Variants in TCF25 observed in about 807,000 individuals in gnomAD.
TCF25 encodes the protein TCF25 ribosome quality control complex subunit.
In TCF25, 41 loss-of-function variants were observed where a neutral mutation model predicts 83.1. The observed-to-expected ratio is 0.49, with a 90% CI of 0.38 to 0.64. TCF25 has a LOEUF of 0.64. Ranked by LOEUF, TCF25 falls within the 30% of genes least tolerant of loss-of-function variation. TCF25 has a pLI of 0.00. For missense variants in TCF25, 979 were observed against 914.5 expected (o/e 1.07, Z -0.91); for synonymous variants, 458 against 365.0 (o/e 1.25, Z -2.90).
In TCF25 at chr16:89,900,760, C is replaced by T; in HGVS notation, c.1347C>T (p.Leu449=). 6.3e-7 allele frequency: 1 copy of T among 1,593,406 alleles called. No homozygotes were observed. Among genetic ancestry groups the T allele is most frequent in the Non-Finnish European group, 8.6e-7 (1 of 1,162,662 alleles). The change falls in exon 12 of 18, where the codon CTC becomes CTT. Residue 449 remains leucine (L), a synonymous_variant. Transcript: ENST00000263346. ...GCTCTGCCAGGCAGAAGGCCTCTCTCCTGATACAGCAGGCGCTCACCATGT... is the reference window on the plus strand; with the variant it reads ...GCTCTGCCAGGCAGAAGGCCTCTCTTCTGATACAGCAGGCGCTCACCATGT... ...EQSSARQKAS[L]LIQQALTMFP...
At chr16:89,895,704 G>A (rs1367418054) in intron 8 of TCF25, among the ~76,000 whole-genome samples, 1 of 152,250 alleles carries the variant, frequency 6.6e-6, no homozygotes, top group Non-Finnish European at 1.5e-5. Context: ...GTCTTAGGTG[G>A]ACACATCTGT....
chr16:89,908,646 A>T (rs1189248217), intron 16 of TCF25, among the ~76,000 whole-genome samples: 3 of 101,734 alleles, frequency 2.9e-5, no homozygotes, highest in Admixed American at 9.2e-5. Flanking sequence ...CCCACCTCCC[A>T]GCTCCCACCT....
At chr16:89,876,435 TTTTA>T (rs1259871157) in intron 1 of TCF25, among the ~76,000 whole-genome samples, 1 of 152,162 alleles carries the variant, frequency 6.6e-6, no homozygotes, top group African/African-American at 2.4e-5. Context: ...TTTTAAAAAA[TTTTA>T]TTTATTTAGA....
chr16:89,879,296 C>G (rs62056104), intron 1 of TCF25, among the ~76,000 whole-genome samples: 1 of 92,620 alleles, frequency 1.1e-5, no homozygotes. Flanking sequence ...TGTACACAGA[C>G]GGGCTTCAGA....
rs545339867 is a variant in TCF25, at chr16:89,878,212, C to T, written c.192+4353C>T. Among the ~76,000 whole-genome samples the T allele has an allele frequency of 7.3e-5, 11 of 151,544 alleles. No homozygotes were observed. The South Asian group carries it at 1.7e-3, about 23-fold the overall frequency. ...GGAGGATGGCTTGAACCCAGGAGGT[C>T]GAGGCTGCAGTGAGGTGAGATGACG... On this transcript the variant is annotated intron_variant, in intron 1 of 17. Coordinates refer to ENST00000263346, the MANE Select transcript of TCF25 (RefSeq NM_014972.3).
At chr16:89,874,097 G>T (rs1389597691) in intron 1 of TCF25, among the ~76,000 whole-genome samples, 1 of 151,676 alleles carries the variant, frequency 6.6e-6, no homozygotes, top group Non-Finnish European at 1.5e-5. Context: ...ACCCCGGTGA[G>T]GTGGGCGGGG....
chr16:89,881,392 T>G (rs1257751077), intron 1 of TCF25, among the ~76,000 whole-genome samples: 2 of 152,176 alleles, frequency 1.3e-5, no homozygotes, highest in Non-Finnish European at 2.9e-5. Flanking sequence ...TCCGATTGGA[T>G]CCATCAGAAT....
chr16:89,902,632 T>C (rs895074587), intron 12 of TCF25, among the ~76,000 whole-genome samples: 21 of 144,492 alleles, frequency 1.5e-4, no homozygotes, highest in African/African-American at 4.8e-4. Flanking sequence ...GAGCTTGCAG[T>C]GAGCCGAGAT....
At chr16:89,880,620 G>A (rs2042539265) in intron 1 of TCF25, among the ~76,000 whole-genome samples, 1 of 152,126 alleles carries the variant, frequency 6.6e-6, no homozygotes, top group African/African-American at 2.4e-5. Flanking sequence ...TGGGTGTTGT[G>A]GCGTGTGCCT....
chr16:89,910,566 CTGACTTTTCT>C lies in TCF25; in HGVS notation c.1800-17_1800-8del. 1 of 1,607,860 alleles carries C rather than the reference CTGACTTTTCT, an allele frequency of 6.2e-7. No homozygotes were observed. Among genetic ancestry groups the C allele is most frequent in the Non-Finnish European group, 8.5e-7 (1 of 1,175,988 alleles). On this transcript the variant is annotated splice_polypyrimidine_tract_variant and intron_variant, in intron 16 of 17. Coordinates refer to ENST00000263346, the MANE Select transcript of TCF25 (RefSeq NM_014972.3). ...CACGAGTCTCAGTTCAGTGTCGTTTCTGACTTTTCTTGACTTTCTTTCAGGCTAAGTCCTA... is the reference window on the plus strand; with the variant it reads ...CACGAGTCTCAGTTCAGTGTCGTTTCTGACTTTCTTTCAGGCTAAGTCCTA...
chr16:89,903,540 G>A (rs1007222098), intron 12 of TCF25, among the ~76,000 whole-genome samples: 10 of 151,786 alleles, frequency 6.6e-5, no homozygotes, highest in African/African-American at 1.9e-4. Context: ...GTGTGGTGGC[G>A]GACGCCTGTA....
intron 17 of TCF25, 47 bp downstream of exon 17, chr16:89,910,710 A>G (rs377697447): frequency 5.0e-6 from 8 of 1,592,386 alleles, no homozygotes; most frequent in African/African-American, 4.0e-5. Flanking sequence ...GGGTGCGGGC[A>G]TATCCATTCC....
At chr16:89,883,300 G>C (rs1166331663) in intron 1 of TCF25, 51 bp from the exon 2 acceptor site, 1 of 1,596,476 alleles carries the variant, frequency 6.3e-7, no homozygotes. Context: ...CTCAGCATGA[G>C]CGTTCACACT....
rs748785921 is a variant in TCF25 at position 89,911,278 on chromosome 16, C to T, written c.*40C>T. On this transcript the variant is annotated 3_prime_UTR_variant, in exon 18 of 18. Coordinates refer to ENST00000263346, the MANE Select transcript of TCF25 (RefSeq NM_014972.3). ...GACCGAAAAGCCGTATGATGATGTT[C>T]CCGATTTCTCTGTTGGTCGGAGTCG... is the stretch of plus-strand genomic sequence containing the variant. The T allele has an allele frequency of 9.4e-6, 15 of 1,602,452 alleles. No homozygotes were observed. Among genetic ancestry groups the T allele is most frequent in the African/African-American group, 1.3e-5 (1 of 74,860 alleles).
chr16:89,892,857 G>T (rs1050862325), intron 6 of TCF25, among the ~76,000 whole-genome samples: 6 of 152,210 alleles, frequency 3.9e-5, no homozygotes, highest in Admixed American at 2.0e-4. Context: ...ACAGCTTGTG[G>T]GAAGGGAGCT....
intron 12 of TCF25, among the ~76,000 whole-genome samples, chr16:89,903,889 AG>A (rs1272058862): frequency 6.6e-6 from 1 of 152,140 alleles, no homozygotes; most frequent in African/African-American, 2.4e-5. Flanking sequence ...GGGCCCTGGC[AG>A]CCTCCTTGGG....
chr16:89,906,449 G>C, intron 15 of TCF25, 165 bp downstream of exon 15: 1 of 633,326 alleles, frequency 1.6e-6, no homozygotes, highest in Non-Finnish European at 2.8e-6. Flanking sequence ...CTCCTTTCCT[G>C]GCAGCCCGGG....
chr16:89,900,822 G>T (rs2144208232), intron 12 of TCF25, 28 bp downstream of exon 12: 7 of 1,539,756 alleles, frequency 4.5e-6, no homozygotes, highest in Non-Finnish European at 6.2e-6. Flanking sequence ...CTCGCCTGGG[G>T]TAGGGGTGTG....
At chr16:89,906,129 C>G in intron 14 of TCF25, 65 bp from the exon 15 acceptor site, 23 of 1,435,380 alleles carry the variant, frequency 1.6e-5, no homozygotes, top group Non-Finnish European at 1.9e-5. Flanking sequence ...GGCCGAGGCT[C>G]CATGGCGGTT....
Sources: gnomAD v4.1 joint callset for allele counts (sites outside exome capture counted in the v4.1 genomes callset) on GRCh38, gnomAD v4.1.1 for gene constraint, MANE v1.5 for transcripts, NCBI Gene and HGNC (gene_info 2026-07-23, HGNC 2026-07-21) for gene names.